Variants in RASGRP1 observed in about 807,000 individuals in gnomAD.
The protein encoded by RASGRP1 is RAS guanyl-releasing protein 1.
Under a neutral mutation model 95.1 loss-of-function variants are expected in RASGRP1, and 37 were observed. The observed-to-expected ratio is 0.39, with a 90% confidence interval of 0.30 to 0.51. RASGRP1 has a LOEUF of 0.51. RASGRP1 is among the 20% of genes least tolerant of loss of function. The pLI is 0.80. For synonymous variants in RASGRP1, 325 were observed against 353.4 expected (o/e 0.92, Z 0.90); for missense variants, 711 against 965.4 (o/e 0.74, Z 3.49).
chr15:38,529,662 G>A (rs960567950), intron 2 of RASGRP1, among the ~76,000 whole-genome samples: 2 of 152,052 alleles, frequency 1.3e-5, no homozygotes, highest in South Asian at 2.1e-4. Context: ...TGAGACCTGG[G>A]CCTTGTCCAC....
At chr15:38,493,138 C>T (rs1890658022) in intron 16 of RASGRP1, among the ~76,000 whole-genome samples, 1 of 151,096 alleles carries the variant, frequency 6.6e-6, no homozygotes, top group South Asian at 2.1e-4. Flanking sequence ...CCTTGGCCTC[C>T]CAAAGTGCTA....
chr15:38,500,072 C>G lies in RASGRP1; in HGVS notation c.1720+31G>C, dbSNP rs1396055962. ...AGCAGCGTGAGAATGGACTGATACA[C>G]CAGGAATATGTCAACAATATTGAGT... On this transcript the variant is annotated intron_variant, in intron 14 of 16. Transcript: ENST00000310803. 1.9e-6 allele frequency: 3 copies of G among 1,607,376 alleles called. No individual in the cohort carries two copies. In the African/African-American group the frequency reaches 4.0e-5, roughly 21 times the overall value.
At chr15:38,500,954 A>G (rs1478486078) in intron 13 of RASGRP1, among the ~76,000 whole-genome samples, 189 bp downstream of exon 13, 1 of 152,204 alleles carries the variant, frequency 6.6e-6, no homozygotes. Context: ...ATAGAAAAGA[A>G]AAAACAGGAA....
chr15:38,493,509 C>G (rs1210156453), intron 16 of RASGRP1, among the ~76,000 whole-genome samples: 6 of 152,142 alleles, frequency 3.9e-5, no homozygotes, highest in Admixed American at 3.9e-4. Flanking sequence ...TCCCTTCTCT[C>G]AAACCTTGGC....
rs769004371 is a variant in RASGRP1 at position 38,501,217 on chromosome 15, C to T, written c.1609G>A (p.Gly537Ser). Reference sequence around the variant, plus strand: ...TGGAAGTTGTGAGGAAAGCCCAGGCCCAGCTTGGAATAGATTGAGCTGGCT... The same window carrying T: ...TGGAAGTTGTGAGGAAAGCCCAGGCTCAGCTTGGAATAGATTGAGCTGGCT... Reference protein sequence around the residue: ...MRASSIYSKLGLGFPHNFQET... With the variant: ...MRASSIYSKLSLGFPHNFQET... Residue 537 changes from glycine (G) to serine (S), a missense_variant, in exon 13 of 17, where the codon GGC becomes AGC. Transcript: ENST00000310803. The T allele has an allele frequency of 2.5e-6, 4 of 1,613,180 alleles. No homozygotes were observed. The highest frequency in any genetic ancestry group is 2.2e-5 in the South Asian group (2 of 91,012).
chr15:38,507,560 G>A (rs1357366846), intron 9 of RASGRP1, among the ~76,000 whole-genome samples, 166 bp downstream of exon 9: 1 of 152,164 alleles, frequency 6.6e-6, no homozygotes, highest in African/African-American at 2.4e-5. Context: ...CTCCTGGCAA[G>A]GTATATCTTT....
intron 9 of RASGRP1, among the ~76,000 whole-genome samples, chr15:38,506,546 G>T (rs755511346): frequency 2.7e-4 from 40 of 149,324 alleles, no homozygotes; most frequent in Admixed American, 4.1e-4. Flanking sequence ...GAGGTGGGAG[G>T]ATGGCTTGGA....
intron 3 of RASGRP1, among the ~76,000 whole-genome samples, chr15:38,524,838 G>C (rs954492579): frequency 1.3e-5 from 2 of 152,040 alleles, no homozygotes; most frequent in African/African-American, 2.4e-5. Context: ...AAGTATAGGA[G>C]GGGTGATAGC....
intron 2 of RASGRP1, among the ~76,000 whole-genome samples, chr15:38,530,266 C>A (rs887650530): frequency 1.3e-5 from 2 of 152,160 alleles, no homozygotes; most frequent in African/African-American, 4.8e-5. Context: ...TGAAGAGTAA[C>A]TGGAAATACC....
At position 38,490,609 on chromosome 15, in the gene RASGRP1, T is replaced by C. The variant is rs1890537827; in HGVS notation, c.2339A>G (p.Gln780Arg). The C allele has an allele frequency of 6.2e-7, 1 of 1,613,360 alleles. No individual in the cohort carries two copies. Among genetic ancestry groups the C allele is most frequent in the African/African-American group, 1.3e-5 (1 of 74,908 alleles). The change falls in exon 17 of 17, where the codon CAG becomes CGG. Residue 780 changes from glutamine (Q) to arginine (R), a missense_variant. By Grantham distance (43) the Gln-to-Arg change is conservative. Transcript: ENST00000310803. ...TAAGACATGATTGCTTTTTTCAAGC[T>C]GGAGGGATTCTATTTTCTTCTGTGC... ...KYAQKKIESL[Q>R]LEKSNHVLAQ...
chr15:38,508,879 A>G (rs781396991), intron 8 of RASGRP1, among the ~76,000 whole-genome samples: 11 of 152,204 alleles, frequency 7.2e-5, no homozygotes, highest in Admixed American at 6.5e-4. Context: ...TCATGTTATC[A>G]TACAACATAA....
At chr15:38,494,875 A>G in intron 15 of RASGRP1, 108 bp from the exon 16 acceptor site, 2 of 1,052,506 alleles carry the variant, frequency 1.9e-6, no homozygotes, top group Non-Finnish European at 2.5e-6. Flanking sequence ...GGAGTTCCAT[A>G]TGTTCAAAGA....
chr15:38,513,173 C>A (rs1488158785), intron 6 of RASGRP1, among the ~76,000 whole-genome samples: 1 of 152,206 alleles, frequency 6.6e-6, no homozygotes, highest in Non-Finnish European at 1.5e-5. Context: ...GATTTCTCTA[C>A]ATCGAAAGTT....
intron 2 of RASGRP1, among the ~76,000 whole-genome samples, chr15:38,537,487 A>C (rs1892699908): frequency 6.6e-6 from 1 of 152,168 alleles, no homozygotes; most frequent in South Asian, 2.1e-4. Flanking sequence ...CCATGCACGC[A>C]ACCCCATGGC....
intron 6 of RASGRP1, among the ~76,000 whole-genome samples, chr15:38,515,778 A>ACC (rs572642236): frequency 0.011 from 1,115 of 98,286 alleles, 9 homozygotes; most frequent in Non-Finnish European, 0.018. Flanking sequence ...CCGCCCCCGC[A>ACC]CCCCCCCCCC....
intron 5 of RASGRP1, 74 bp from the exon 6 acceptor site, chr15:38,516,424 C>A: frequency 6.7e-7 from 1 of 1,498,926 alleles, no homozygotes; most frequent in African/African-American, 1.4e-5. Context: ...AATCCATTAA[C>A]ATTTCTCACA....
chr15:38,494,369 A>G lies in RASGRP1; in HGVS notation c.2259+13T>C, dbSNP rs1890714410. ...AGATAGTCTGAAAAAAAGGAAAATG[A>G]AAAGGAAGGTACCTGTTCCAGTTCT... On this transcript the variant is annotated intron_variant, in intron 16 of 16. Coordinates refer to ENST00000310803, the MANE Select transcript of RASGRP1 (RefSeq NM_005739.4). The G allele has an allele frequency of 1.9e-6, 3 of 1,613,352 alleles. No individual in the cohort carries two copies. Among genetic ancestry groups the G allele is most frequent in the Non-Finnish European group, 1.7e-6 (2 of 1,179,814 alleles).
intron 3 of RASGRP1, among the ~76,000 whole-genome samples, chr15:38,525,455 G>C (rs755875109): frequency 2.0e-5 from 3 of 152,154 alleles, no homozygotes; most frequent in Admixed American, 6.5e-5. Context: ...TTATTTATGT[G>C]CACTTCTCGC....
chr15:38,558,945 G>C (rs775835215), intron 2 of RASGRP1, among the ~76,000 whole-genome samples: 16 of 152,156 alleles, frequency 1.1e-4, no homozygotes, highest in Non-Finnish European at 1.9e-4. Context: ...GTAGGCTTGG[G>C]GGGGTTGGTA....
Sources: gnomAD v4.1 joint callset for allele counts (sites outside exome capture counted in the v4.1 genomes callset) on GRCh38, gnomAD v4.1.1 for gene constraint, MANE v1.5 for transcripts, NCBI Gene and HGNC (gene_info 2026-07-23, HGNC 2026-07-21) for gene names.